The following PKP1 variants were observed in gnomAD, a reference collection of about 807,000 sequenced individuals.
PKP1 encodes the protein plakophilin-1.
A neutral mutation model predicts 76.4 loss-of-function variants in PKP1; 27 were observed. The ratio of observed to expected loss-of-function variants is 0.35; its 90% CI spans 0.26 to 0.49. PKP1 has a LOEUF of 0.49. PKP1 is among the 20% of genes least tolerant of loss of function. The probability of loss-of-function intolerance (pLI) is 0.99; values close to 1 mark genes in which losing one functional copy is unlikely to be tolerated. For synonymous variants in PKP1, 404 were observed against 384.2 expected (o/e 1.05, Z -0.60); for missense variants, 964 against 955.2 (o/e 1.01, Z -0.12).
intron 4 of PKP1, among the ~76,000 whole-genome samples, chr1:201,317,201 T>C (rs529177802): frequency 1.3e-3 from 203 of 152,318 alleles, no homozygotes; most frequent in African/African-American, 4.7e-3. Context: ...GATAAGTTTG[T>C]ATGCATTTCT....
intron 12 of PKP1, among the ~76,000 whole-genome samples, chr1:201,327,007 G>A (rs1214933621): frequency 6.6e-6 from 1 of 152,232 alleles, no homozygotes; most frequent in East Asian, 1.9e-4. Context: ...AAAGGCCCTG[G>A]ATCCGGTGCT....
At position 201,320,393 on chromosome 1, in the gene PKP1, C is replaced by T. The variant is rs373697834; in HGVS notation, c.1347+12C>T. 9.7e-6 allele frequency: 15 copies of T among 1,553,292 alleles called. No homozygotes were observed. The African/African-American group carries it at 1.8e-4, about 18-fold the overall frequency. On this transcript the variant is annotated intron_variant, in intron 7 of 13. Transcript: ENST00000367324. ...GCTGTGACGACAAGGTGAGTGCATC[C>T]CCTGGTGGCACCCTGACCCCTAGGC... is the stretch of plus-strand genomic sequence containing the variant.
In PKP1 at chr1:201,283,885, C is replaced by T. The variant is rs757527243; in HGVS notation, c.183C>T (p.Thr61=). Residue 61 remains threonine, a synonymous_variant, in exon 1 of 14, where the codon ACC becomes ACT. Coordinates refer to ENST00000367324, the MANE Select transcript of PKP1 (RefSeq NM_001005337.3). Reference sequence around the variant, plus strand: ...AGTCCAAGTCTTCCCAGTCGTCCACCCTGAGCCACTCCAATCGAGGTAAAG... The same window carrying T: ...AGTCCAAGTCTTCCCAGTCGTCCACTCTGAGCCACTCCAATCGAGGTAAAG... ...RQKSKSSQSS[T]LSHSNRGSMY... The T allele has an allele frequency of 1.9e-6, 3 of 1,614,108 alleles. No individual in the cohort carries two copies. Among genetic ancestry groups the T allele is most frequent in the Non-Finnish European group, 2.5e-6 (3 of 1,179,944 alleles).
At chr1:201,320,657 T>C (rs778685708) in intron 7 of PKP1, among the ~76,000 whole-genome samples, 31 of 152,202 alleles carry the variant, frequency 2.0e-4, no homozygotes, top group Middle Eastern at 3.2e-3. Context: ...ATGGAAAGGG[T>C]CATAATCATA....
chr1:201,302,745 G>T (rs1246832603), intron 2 of PKP1, among the ~76,000 whole-genome samples: 1 of 152,218 alleles, frequency 6.6e-6, no homozygotes, highest in Non-Finnish European at 1.5e-5. Context: ...TCTAGACCCG[G>T]AGCCCCTCCC....
At chr1:201,319,208 G>A (rs1032576378) in intron 6 of PKP1, among the ~76,000 whole-genome samples, 1 of 152,204 alleles carries the variant, frequency 6.6e-6, no homozygotes, top group Non-Finnish European at 1.5e-5. Flanking sequence ...AAAACCATTT[G>A]CCATGTTCAT....
intron 2 of PKP1, among the ~76,000 whole-genome samples, chr1:201,306,449 C>G (rs781749493): frequency 2.0e-5 from 3 of 152,228 alleles, no homozygotes; most frequent in Non-Finnish European, 4.4e-5. Flanking sequence ...AGAATTGTGG[C>G]CTCACTGGAG....
intron 3 of PKP1, among the ~76,000 whole-genome samples, chr1:201,315,131 T>C (rs778408486): frequency 2.6e-5 from 4 of 152,250 alleles, no homozygotes; most frequent in Non-Finnish European, 5.9e-5. Context: ...CTCTCTGTCT[T>C]GGAGGCTGAT....
At chr1:201,295,065 G>A (rs995020922) in intron 2 of PKP1, among the ~76,000 whole-genome samples, 11 of 152,076 alleles carry the variant, frequency 7.2e-5, no homozygotes, top group African/African-American at 2.7e-4. Context: ...ATTAAAGGCT[G>A]CTTCTCTGTG....
intron 2 of PKP1, among the ~76,000 whole-genome samples, chr1:201,305,695 G>A (rs1656349501): frequency 6.6e-6 from 1 of 152,174 alleles, no homozygotes; most frequent in African/African-American, 2.4e-5. Flanking sequence ...GGGTGGCTCT[G>A]GGGCCAGCCA....
intron 2 of PKP1, among the ~76,000 whole-genome samples, chr1:201,302,127 G>T (rs1279337615): frequency 2.6e-5 from 4 of 152,216 alleles, no homozygotes; most frequent in African/African-American, 9.6e-5. Context: ...CCTTGAATTA[G>T]TGTAGCATTT....
intron 2 of PKP1, among the ~76,000 whole-genome samples, chr1:201,298,805 T>C (rs1656141798): frequency 6.6e-6 from 1 of 152,220 alleles, no homozygotes; most frequent in Non-Finnish European, 1.5e-5. Flanking sequence ...GATATGTCTG[T>C]ATTTGACGAT....
intron 1 of PKP1, among the ~76,000 whole-genome samples, chr1:201,289,880 G>A (rs930285823): frequency 6.6e-6 from 1 of 152,190 alleles, no homozygotes; most frequent in East Asian, 1.9e-4. Flanking sequence ...GGTTTTGAAT[G>A]CAGGGGGAGG....
intron 11 of PKP1, 128 bp downstream of exon 11, chr1:201,325,255 G>C (rs368661188): frequency 5.2e-6 from 5 of 961,148 alleles, no homozygotes; most frequent in Non-Finnish European, 8.1e-6. Context: ...AGCCAGGGAC[G>C]GGGGAGGCTT....
At chr1:201,306,937 T>C (rs1656389123) in intron 2 of PKP1, among the ~76,000 whole-genome samples, 2 of 152,252 alleles carry the variant, frequency 1.3e-5, no homozygotes, top group African/African-American at 4.8e-5. Flanking sequence ...CCCAAAGTGC[T>C]GGGATTACAG....
At chr1:201,289,465 C>G (rs75622683) in intron 1 of PKP1, among the ~76,000 whole-genome samples, 1 of 152,146 alleles carries the variant, frequency 6.6e-6, no homozygotes, top group Non-Finnish European at 1.5e-5. Context: ...GCAGCTTGCC[C>G]TGTGACGAAG....
chr1:201,313,101 C>T, intron 2 of PKP1, 65 bp from the exon 3 acceptor site: 1 of 1,529,638 alleles, frequency 6.5e-7, no homozygotes, highest in Non-Finnish European at 9.0e-7. Context: ...GTATCTCATG[C>T]CCTGCTGGAT....
chr1:201,293,980 G>A lies in PKP1; in HGVS notation c.241G>A (p.Gly81Arg), dbSNP rs147328328. Residue 81 changes from glycine (G) to arginine (R), a missense_variant, in exon 2 of 14, where the codon GGG (glycine) becomes AGG (arginine). By Grantham distance (125) the Gly-to-Arg change is moderately radical. Transcript: ENST00000367324. Reference protein sequence around the residue: ...YDGLADNYNYGTTSRSSYYSK... With the variant: ...YDGLADNYNYRTTSRSSYYSK... Reference sequence around the variant, plus strand: ...TGGCTTGGCTGACAATTACAACTATGGGACCACCAGCAGGAGCAGCTACTA... The same window carrying A: ...TGGCTTGGCTGACAATTACAACTATAGGACCACCAGCAGGAGCAGCTACTA... 1.0e-3 allele frequency: 1,673 copies of A among 1,613,888 alleles called. 6 individuals carry two copies. The highest frequency in any genetic ancestry group is 8.8e-4 in the Admixed American group (53 of 60,018).
chr1:201,292,240 G>A (rs552645066), intron 1 of PKP1, among the ~76,000 whole-genome samples: 31 of 152,264 alleles, frequency 2.0e-4, no homozygotes, highest in East Asian at 9.7e-4. Context: ...AGTCAGGCAC[G>A]TGTCACTATC....
Sources: allele counts gnomAD v4.1 joint callset (sites outside exome capture counted in the v4.1 genomes callset), GRCh38; gene constraint gnomAD v4.1.1; transcripts MANE v1.5; gene names NCBI Gene and HGNC (gene_info 2026-07-23, HGNC 2026-07-21).